CMC2: variants seen among roughly 807,000 people sequenced by gnomAD.
CMC2 encodes COX assembly mitochondrial protein 2 homolog.
CMC2 carries 5 observed loss-of-function variants against 7.5 expected under a neutral mutation model. That is an observed-to-expected ratio of 0.66 (90% CI 0.35 to 1.40). The LOEUF is 1.40. Among genes scored for constraint, CMC2 ranks in the 40% most tolerant of loss-of-function variants. The pLI, the probability that CMC2 is intolerant of heterozygous loss-of-function variation, is 0.04. For synonymous variants in CMC2, 37 were observed against 31.4 expected, an observed-to-expected ratio of 1.18 and a Z score of -0.60; for missense variants, 115 against 92.3, an observed-to-expected ratio of 1.25 and a Z score of -1.01.
chr16:80,993,107 C>G (rs1968137641), intron 2 of CMC2, among the ~76,000 whole-genome samples: 2 of 152,156 alleles, frequency 1.3e-5, no homozygotes, highest in African/African-American at 2.4e-5. Context: ...GGTATTCTAA[C>G]TTTTTCCAAA....
chr16:81,006,849 A>G lies in CMC2; in HGVS notation c.-151T>C. The stretch of plus-strand genomic sequence containing the variant: ...AACCGCTTGCCAGACGCCGAAACCC[A>G]GTGACGCCCTCCACCGCTCCACCGT... On this transcript the variant is annotated 5_prime_UTR_variant, in exon 1 of 4. Transcript: ENST00000219400. The G allele has an allele frequency of 1.0e-6, 1 of 985,704 alleles. No individual in the cohort carries two copies. The highest frequency in any genetic ancestry group is 1.2e-6 in the Non-Finnish European group (1 of 830,240). The allele number at this position is 985,704 out of a possible 1,614,324, so 61.1% of individuals were successfully genotyped here.
intron 2 of CMC2, among the ~76,000 whole-genome samples, chr16:80,996,359 T>C (rs528007052): frequency 5.3e-5 from 8 of 152,356 alleles, no homozygotes; most frequent in African/African-American, 1.9e-4. Flanking sequence ...AATTGAAATA[T>C]TCTACTTTAA....
intron 2 of CMC2, among the ~76,000 whole-genome samples, chr16:80,985,401 A>G (rs1181119759): frequency 6.6e-6 from 1 of 152,216 alleles, no homozygotes; most frequent in Non-Finnish European, 1.5e-5. Context: ...CAGACATTTA[A>G]AAAATGAAAA....
chr16:80,980,143 G>A (rs1230791938), intron 3 of CMC2, among the ~76,000 whole-genome samples: 1 of 151,368 alleles, frequency 6.6e-6, no homozygotes, highest in Non-Finnish European at 1.5e-5. Context: ...TGGCCTCAAA[G>A]CTTTCACCTC....
At position 80,966,836 on chromosome 16, in the gene CMC2, C is replaced by A. The variant is rs371054718; in HGVS notation, c.*9257G>T. 2 of 152,112 alleles carry A rather than the reference C, an allele frequency of 1.3e-5. No homozygotes were observed. The highest frequency in any genetic ancestry group is 2.9e-5 in the Non-Finnish European group (2 of 68,016). 9.4% of individuals were successfully genotyped at this position (152,112 alleles called of 1,614,324 possible). On this transcript the variant is annotated 3_prime_UTR_variant, in exon 4 of 4. Transcript: ENST00000219400. ...CCATATAGTCATACATACAGACACA[C>A]GAAATCTTCATTCCTTTGTATAGAT...
At position 80,997,418 on chromosome 16, in the gene CMC2, C is replaced by G; in HGVS notation, c.-24G>C. The G allele has an allele frequency of 6.3e-7, 1 of 1,580,274 alleles. No homozygotes were observed. Among genetic ancestry groups the G allele is most frequent in the Non-Finnish European group, 8.7e-7 (1 of 1,150,134 alleles). ...ATCTTTAGGAGATGAGGATGGATCA[C>G]AGCAGTGCAACCTGTGGATACAAGA... On this transcript the variant is annotated 5_prime_UTR_variant, in exon 2 of 4. Coordinates refer to ENST00000219400, the MANE Select transcript of CMC2 (RefSeq NM_020188.5).
Position 80,968,627 on chromosome 16 carries a change from ATC to A in CMC2, c.*7464_*7465del, listed in dbSNP as rs1911713733. The A allele has an allele frequency of 6.6e-6, 1 of 152,224 alleles. No homozygotes were observed. The allele number at this position is 152,224 out of a possible 1,614,324, so 9.4% of individuals were successfully genotyped here. Reference sequence around the variant, plus strand: ...CAAGGTAAAATTTTATGTACAGGATATCTGTTTCTGGTAAAATAGCTCATTAG... The same window carrying A: ...CAAGGTAAAATTTTATGTACAGGATATGTTTCTGGTAAAATAGCTCATTAG... On this transcript the variant is annotated 3_prime_UTR_variant, in exon 4 of 4. Coordinates refer to ENST00000219400, the MANE Select transcript of CMC2 (RefSeq NM_020188.5).
In CMC2 at chr16:80,977,737, T is replaced by C. The variant is rs889273777; in HGVS notation, c.154-1558A>G. On this transcript the variant is annotated intron_variant, in intron 3 of 3. Transcript: ENST00000219400. Reference sequence around the variant, plus strand: ...GACTGAAGGATTCTAACATATCTTCTGGAATGGTAGTTTTCAAACTTTTTA... The same window carrying C: ...GACTGAAGGATTCTAACATATCTTCCGGAATGGTAGTTTTCAAACTTTTTA... Among the ~76,000 whole-genome samples the C allele has an allele frequency of 6.1e-4, 93 of 152,184 alleles. 1 individual carries two copies. Among genetic ancestry groups the C allele is most frequent in the Non-Finnish European group, 1.2e-4 (8 of 68,026 alleles).
intron 3 of CMC2, 121 bp from the exon 4 acceptor site, chr16:80,976,300 T>C (rs1293446465): frequency 1.7e-6 from 1 of 591,802 alleles, no homozygotes; most frequent in Non-Finnish European, 3.0e-6. Context: ...AGGGTTTAAA[T>C]TTTTTAAACA....
intron 2 of CMC2, among the ~76,000 whole-genome samples, chr16:80,987,108 T>C (rs1233413031): frequency 6.6e-6 from 1 of 152,184 alleles, no homozygotes; most frequent in East Asian, 1.9e-4. Flanking sequence ...CAGTCATTAG[T>C]GATCTTGAAA....
intron 3 of CMC2, chr16:80,978,411 G>A: frequency 2.8e-6 from 3 of 1,088,696 alleles, no homozygotes; most frequent in Non-Finnish European, 3.4e-6. Context: ...AAGTCCAGAT[G>A]GTCCCTGAAT....
chr16:80,997,070 C>T, intron 2 of CMC2: 1 of 552,908 alleles, frequency 1.8e-6, no homozygotes, highest in South Asian at 1.8e-5. Flanking sequence ...TGGATTCCAA[C>T]TGTTACATAC....
chr16:80,970,964 T>C lies in CMC2; in HGVS notation c.*5129A>G, dbSNP rs959254141. On this transcript the variant is annotated 3_prime_UTR_variant, in exon 4 of 4. Transcript: ENST00000219400. The stretch of plus-strand genomic sequence containing the variant: ...CCAGCCTGGACATGGTGAAACCCTA[T>C]CTCTACTAAAAAATACAAAAATTAG... The C allele has an allele frequency of 6.6e-6, 1 of 152,124 alleles. No homozygotes were observed. The highest frequency in any genetic ancestry group is 2.4e-5 in the African/African-American group (1 of 41,420). The allele number at this position is 152,124 out of a possible 1,614,324, so 9.4% of individuals were successfully genotyped here.
In CMC2 at chr16:80,974,207, G is replaced by C. The variant is rs1165735837; in HGVS notation, c.*1886C>G. The C allele has an allele frequency of 6.6e-6, 1 of 152,208 alleles. No homozygotes were observed. The highest frequency in any genetic ancestry group is 2.4e-5 in the African/African-American group (1 of 41,418). 9.4% of individuals were successfully genotyped at this position (152,208 alleles called of 1,614,324 possible). A position where few individuals can be genotyped will look rare whatever the true frequency, so the allele number is the denominator to read the frequency against. ...AGTCAGTCATGCTGACTCAATGCTT[G>C]AATCGTCACTCCTCCTAATCCCCAA... is the stretch of plus-strand genomic sequence containing the variant. On this transcript the variant is annotated 3_prime_UTR_variant, in exon 4 of 4. Transcript: ENST00000219400.
intron 2 of CMC2, chr16:80,984,188 A>C (rs1967347711): frequency 6.6e-6 from 1 of 152,182 alleles, no homozygotes; most frequent in African/African-American, 2.4e-5. Context: ...CTGAAGCCTG[A>C]AGTTAAGAAC....
chr16:80,993,645 A>G (rs1423668249), intron 2 of CMC2, among the ~76,000 whole-genome samples: 1 of 152,228 alleles, frequency 6.6e-6, no homozygotes, highest in African/African-American at 2.4e-5. Flanking sequence ...CTCATTGAAT[A>G]TGCAAGTCAA....
intron 2 of CMC2, among the ~76,000 whole-genome samples, chr16:80,984,434 T>C (rs1429006165): frequency 6.6e-6 from 1 of 152,202 alleles, no homozygotes; most frequent in Non-Finnish European, 1.5e-5. Context: ...TCACCACCAT[T>C]TTAAACGTAC....
At chr16:80,980,737 T>C (rs945075025) in intron 3 of CMC2, 8 of 662,366 alleles carry the variant, frequency 1.2e-5, no homozygotes, top group Non-Finnish European at 2.2e-5. Context: ...CAAAAAAATG[T>C]GTAAAACCTT....
intron 1 of CMC2, chr16:80,998,093 G>A (rs1567530847): frequency 6.9e-6 from 1 of 144,964 alleles, no homozygotes; most frequent in Non-Finnish European, 1.5e-5. Context: ...AAACATCATG[G>A]GCAGCTGTTC....
Sources: allele counts gnomAD v4.1 joint callset (sites outside exome capture counted in the v4.1 genomes callset), GRCh38; gene constraint gnomAD v4.1.1; transcripts MANE v1.5; gene names NCBI Gene and HGNC (gene_info 2026-07-23, HGNC 2026-07-21).